Variants in SLC1A6 observed in about 807,000 individuals in gnomAD.
The protein encoded by SLC1A6 is excitatory amino acid transporter 4.
In SLC1A6, 15 loss-of-function variants were observed where a neutral mutation model predicts 42.1. The observed-to-expected ratio is 0.36, with a 90% CI of 0.24 to 0.55. SLC1A6 has a LOEUF of 0.55. SLC1A6 is among the 20% of genes least tolerant of loss of function. SLC1A6 has a pLI of 0.88. For missense variants in SLC1A6, 542 were observed against 772.5 expected, an observed-to-expected ratio of 0.70 and a Z score of 3.54; for synonymous variants, 317 against 319.7, an observed-to-expected ratio of 0.99 and a Z score of 0.09.
chr19:14,972,777 G>A lies in SLC1A6; in HGVS notation c.134C>T (p.Thr45Ile). ...LRTRLRLQTM[T>I]LEHVLRFLRR... Reference sequence around the variant, plus strand: ...CAGGAAGCGCAGCACGTGCTCGAGGGTCATGGTCTGCAGGCGCAGGCGCGT... The same window carrying A: ...CAGGAAGCGCAGCACGTGCTCGAGGATCATGGTCTGCAGGCGCAGGCGCGT... Residue 45 changes from threonine (T) to isoleucine (I), a missense_variant, in exon 2 of 10, where the codon ACC becomes ATC. Around this residue, in one of 6 missense-constraint regions of SLC1A6, gnomAD observed 88 missense variants for 85.5 expected, o/e 1.03. Transcript: ENST00000594383. 1.2e-6 allele frequency: 2 copies of A among 1,613,902 alleles called. No individual in the cohort carries two copies. The highest frequency in any genetic ancestry group is 2.2e-5 in the East Asian group (1 of 44,870).
intron 1 of SLC1A6, among the ~76,000 whole-genome samples, chr19:15,003,065 G>T (rs921409587): frequency 1.3e-5 from 2 of 151,888 alleles, no homozygotes; most frequent in African/African-American, 4.8e-5. Context: ...TGCAACCTCC[G>T]CCCCCCGGGT....
chr19:14,951,206 C>A (rs1327166633), intron 9 of SLC1A6, among the ~76,000 whole-genome samples: 2 of 129,494 alleles, frequency 1.5e-5, no homozygotes, highest in Admixed American at 1.8e-4. Context: ...GAGCTGAGAT[C>A]GAGCCACTGC....
At chr19:14,950,416 C>T in intron 9 of SLC1A6, 26 bp from the exon 10 acceptor site, 4 of 1,498,148 alleles carry the variant, frequency 2.7e-6, no homozygotes, top group Non-Finnish European at 3.6e-6. Context: ...AAGAAGCTGC[C>T]ATTAATGGGG....
intron 4 of SLC1A6, among the ~76,000 whole-genome samples, chr19:14,967,952 A>AT (rs1417421085): frequency 6.6e-6 from 1 of 152,212 alleles, no homozygotes; most frequent in African/African-American, 2.4e-5. Flanking sequence ...CTTTTGATGT[A>AT]TAAAGCCTAA....
Position 14,956,484 on chromosome 19 carries a change from C to T in SLC1A6, c.1161G>A (p.Thr387=), listed in dbSNP as rs184720556. 3.2e-5 allele frequency: 50 copies of T among 1,573,138 alleles called. No individual in the cohort carries two copies. Among genetic ancestry groups the T allele is most frequent in the African/African-American group, 1.3e-4 (10 of 74,352 alleles). ...GGGGAGCAAGGCCATACCTGGAAGACGTGCCCATAGCGGTGATGAGGGCTT... is the reference window on the plus strand; with the variant it reads ...GGGGAGCAAGGCCATACCTGGAAGATGTGCCCATAGCGGTGATGAGGGCTT... ...MLQALITAMG[T]SSSSATLPIT... The change falls in exon 7 of 10, where the codon ACG becomes ACA. Residue 387 remains threonine, a synonymous_variant. Coordinates refer to ENST00000594383, the MANE Select transcript of SLC1A6 (RefSeq NM_005071.3).
In SLC1A6 at chr19:14,953,139, G is replaced by C; in HGVS notation, c.1365-77C>G. On this transcript the variant is annotated intron_variant, in intron 8 of 9. Coordinates refer to ENST00000594383, the MANE Select transcript of SLC1A6 (RefSeq NM_005071.3). Reference sequence around the variant, plus strand: ...GGAAGAGAGAGGAAAAGGACAGAGAGAAGGGAAGAGATCAGCTCCCCAAGG... The same window carrying C: ...GGAAGAGAGAGGAAAAGGACAGAGACAAGGGAAGAGATCAGCTCCCCAAGG... 2.6e-6 allele frequency: 3 copies of C among 1,134,282 alleles called. No individual in the cohort carries two copies. The South Asian group carries it at 4.1e-5, about 16-fold the overall frequency. The allele number at this position is 1,134,282 out of a possible 1,614,324, so 70.3% of individuals were successfully genotyped here.
Position 14,954,334 on chromosome 19 carries a change from G to C in SLC1A6, c.1170-5C>G, listed in dbSNP as rs1176565949. ...GTGATGGGCAGCGTTGCCGAGCTGG[G>C]GGAAAGAGCCCAGGACTGAGGATGG... On this transcript the variant is annotated splice_region_variant and splice_polypyrimidine_tract_variant and intron_variant, in intron 7 of 9. Coordinates refer to ENST00000594383, the MANE Select transcript of SLC1A6 (RefSeq NM_005071.3). The C allele has an allele frequency of 3.1e-6, 5 of 1,604,626 alleles. No individual in the cohort carries two copies. In the African/African-American group the frequency reaches 6.7e-5, roughly 21 times the overall value.
chr19:14,976,506 T>C (rs1600018593), intron 1 of SLC1A6, among the ~76,000 whole-genome samples: 1 of 152,208 alleles, frequency 6.6e-6, no homozygotes, highest in Non-Finnish European at 1.5e-5. Flanking sequence ...TTAAGTGCAA[T>C]AATTCAGAAG....
exon 1 of SLC1A6, chr19:15,010,580 G>T: frequency 1.5e-6 from 1 of 652,288 alleles, no homozygotes; most frequent in Non-Finnish European, 2.8e-6. Flanking sequence ...CGGCGAGAAG[G>T]ATGCTAGATG....
chr19:15,010,182 T>TCAAAAAAAAAA (rs1568304819), intron 1 of SLC1A6, among the ~76,000 whole-genome samples: 1 of 34,292 alleles, frequency 2.9e-5, no homozygotes, highest in African/African-American at 8.4e-5. Context: ...CAAGACTCTA[T>TCAAAAAAAAAA]GAAAAAAAAA....
chr19:14,975,382 T>C (rs2045692892), intron 1 of SLC1A6: 2 of 123,158 alleles, frequency 1.6e-5, no homozygotes, highest in Admixed American at 1.7e-4. Context: ...ACGCATTGTA[T>C]GCATGTATCG....
At chr19:14,956,219 C>T (rs1031260344) in intron 7 of SLC1A6, among the ~76,000 whole-genome samples, 2 of 152,108 alleles carry the variant, frequency 1.3e-5, no homozygotes, top group Non-Finnish European at 2.9e-5. Flanking sequence ...CATCCTGGAA[C>T]CTTCCCTCTT....
Position 15,003,640 on chromosome 19 carries a change from AG to A in SLC1A6, c.6+6844del, listed in dbSNP as rs1417111487. ...ATTACCTGCCAAGATTTCACAGCGA[AG>A]GGCATCTCCATGTAATGCCAAAAAA... On this transcript the variant is annotated intron_variant, in intron 1 of 8. Transcript: ENST00000430939. Among the ~76,000 whole-genome samples, 21 of 143,834 alleles carry A rather than the reference AG, an allele frequency of 1.5e-4. 1 individual carries two copies. In the South Asian group the frequency reaches 4.5e-3, roughly 31 times the overall value. The allele number at this position is 143,834 out of a possible 152,430, so 94.4% of individuals were successfully genotyped here.
chr19:14,992,474 C>T lies in SLC1A6; in HGVS notation c.6+18011G>A, dbSNP rs143381127. Among the ~76,000 whole-genome samples, 923 of 152,170 alleles carry T rather than the reference C, an allele frequency of 6.1e-3. 8 individuals are homozygous for T. The highest frequency in any genetic ancestry group is 8.1e-3 in the Non-Finnish European group (552 of 68,002). On this transcript the variant is annotated intron_variant, in intron 1 of 8. Transcript: ENST00000430939. ...GCAGGGTCACGGCCGGGTGTAGTGG[C>T]TCACGCCTGTAATCCCAGCACTTTG...
chr19:15,007,710 A>G (rs988306204), intron 1 of SLC1A6, among the ~76,000 whole-genome samples: 2 of 152,096 alleles, frequency 1.3e-5, no homozygotes, highest in Non-Finnish European at 2.9e-5. Flanking sequence ...AGAGTCAATC[A>G]TCAGAGAAAT....
intron 1 of SLC1A6, among the ~76,000 whole-genome samples, chr19:14,985,128 C>T (rs570387717): frequency 6.6e-5 from 10 of 152,316 alleles, no homozygotes; most frequent in African/African-American, 2.2e-4. Flanking sequence ...GTGATCCGCC[C>T]GCATCGGCCT....
intron 1 of SLC1A6, among the ~76,000 whole-genome samples, chr19:14,985,499 C>T (rs2045788609): frequency 6.6e-6 from 1 of 152,202 alleles, no homozygotes; most frequent in African/African-American, 2.4e-5. Flanking sequence ...CTGTCTCTCA[C>T]CATTTGACAT....
chr19:14,984,264 G>T (rs770093486), upstream of SLC1A6, among the ~76,000 whole-genome samples: 1 of 151,970 alleles, frequency 6.6e-6, no homozygotes, highest in Non-Finnish European at 1.5e-5. Flanking sequence ...AGCTGACATC[G>T]CACCATTGTG....
At chr19:14,971,963 G>C in intron 2 of SLC1A6, 89 bp from the exon 3 acceptor site, 1 of 1,329,122 alleles carries the variant, frequency 7.5e-7, no homozygotes, top group Non-Finnish European at 1.1e-6. Context: ...GTAGGGCAAG[G>C]GTGGGAGTGA....
Sources: gnomAD v4.1 joint callset for allele counts (sites outside exome capture counted in the v4.1 genomes callset) on GRCh38, gnomAD v4.1.1 for gene constraint, gnomAD v4.1.1 regional missense constraint, MANE v1.5 for transcripts, NCBI Gene and HGNC (gene_info 2026-07-23, HGNC 2026-07-21) for gene names.